Variants in ATP13A4 observed in about 807,000 individuals in gnomAD.
ATP13A4 encodes ATPase 13A4, also known as probable cation-transporting ATPase 13A4.
A neutral mutation model predicts 142.5 loss-of-function variants in ATP13A4; 114 were observed. The ratio of observed to expected loss-of-function variants is 0.80; its 90% confidence interval spans 0.69 to 0.93. The LOEUF (loss-of-function observed/expected upper bound fraction) is 0.93, where lower values mean the gene tolerates loss of function less well. Among genes scored for constraint, ATP13A4 ranks in the 40% least tolerant of loss-of-function variants. The pLI, the probability that ATP13A4 is intolerant of heterozygous loss-of-function variation, is 0.00. For missense variants in ATP13A4, 1,392 were observed against 1,454.0 expected, an observed-to-expected ratio of 0.96 and a Z score of 0.69; for synonymous variants, 488 against 514.8, an observed-to-expected ratio of 0.95 and a Z score of 0.70.
chr3:193,572,319 A>G (rs1462199668), intron 2 of ATP13A4, among the ~76,000 whole-genome samples: 1 of 152,220 alleles, frequency 6.6e-6, no homozygotes, highest in Non-Finnish European at 1.5e-5. Context: ...ATTTTTCTGT[A>G]ACTCTAAAAC....
At chr3:193,477,751 G>A (rs1719052285) in intron 8 of ATP13A4, among the ~76,000 whole-genome samples, 1 of 152,040 alleles carries the variant, frequency 6.6e-6, no homozygotes, top group African/African-American at 2.4e-5. Context: ...AGCATCGATG[G>A]AGATCTTGGC....
intron 29 of ATP13A4, among the ~76,000 whole-genome samples, chr3:193,406,180 T>C (rs1408411895): frequency 2.6e-5 from 4 of 152,218 alleles, no homozygotes; most frequent in Non-Finnish European, 4.4e-5. Flanking sequence ...CAGGTGATTC[T>C]GATGCCCACT....
At chr3:193,430,900 G>C (rs1158383868) in intron 25 of ATP13A4, among the ~76,000 whole-genome samples, 1 of 152,108 alleles carries the variant, frequency 6.6e-6, no homozygotes, top group Non-Finnish European at 1.5e-5. Context: ...AAATGGGAAT[G>C]AGGAGAGGGC....
At chr3:193,570,730 C>T (rs2108741040) in intron 2 of ATP13A4, among the ~76,000 whole-genome samples, 1 of 152,290 alleles carries the variant, frequency 6.6e-6, no homozygotes, top group South Asian at 2.1e-4. Context: ...TCTGAATTCT[C>T]ACAGACCAGA....
intron 18 of ATP13A4, among the ~76,000 whole-genome samples, chr3:193,442,978 A>C (rs921345673): frequency 1.3e-5 from 2 of 152,074 alleles, no homozygotes; most frequent in Admixed American, 1.3e-4. Context: ...CCAAGAAGCA[A>C]CTCCCCAAGG....
At chr3:193,479,887 C>T (rs1372325858) in intron 8 of ATP13A4, among the ~76,000 whole-genome samples, 2 of 152,092 alleles carry the variant, frequency 1.3e-5, no homozygotes, top group African/African-American at 4.8e-5. Flanking sequence ...ACCACAGTCA[C>T]CAAAACAGCA....
intron 25 of ATP13A4, among the ~76,000 whole-genome samples, chr3:193,425,250 A>G (rs573525493): frequency 4.2e-4 from 64 of 151,890 alleles, no homozygotes; most frequent in African/African-American, 1.5e-3. Flanking sequence ...GAACACTTAC[A>G]TACTGTTGGT....
chr3:193,568,849 T>C (rs749150993), intron 2 of ATP13A4, among the ~76,000 whole-genome samples: 5 of 152,174 alleles, frequency 3.3e-5, no homozygotes, highest in Non-Finnish European at 5.9e-5. Flanking sequence ...CAAAATAATA[T>C]CAGTATTGTT....
At position 193,412,351 on chromosome 3, in the gene ATP13A4, T is replaced by C; in HGVS notation, c.3035A>G (p.Glu1012Gly). The C allele has an allele frequency of 6.2e-7, 1 of 1,614,156 alleles. No homozygotes were observed. The highest frequency in any genetic ancestry group is 8.5e-7 in the Non-Finnish European group (1 of 1,180,008). The change falls in exon 27 of 30, where the codon GAA becomes GGA. Residue 1012 changes from glutamate (E) to glycine (G), a missense_variant. Glu to Gly is a moderately conservative substitution (Grantham distance 98). Coordinates refer to ENST00000342695, the MANE Select transcript of ATP13A4 (RefSeq NM_032279.4). The stretch of plus-strand genomic sequence containing the variant: ...AGACATGGTTAACTCTGAGATGCTT[T>C]CATTTTGTACTGTGCAGGCACTAAA... ...EIHSACTVQN[E>G]SISELTMSPT...
chr3:193,471,509 G>A (rs1718622424), intron 8 of ATP13A4, among the ~76,000 whole-genome samples: 1 of 152,038 alleles, frequency 6.6e-6, no homozygotes, highest in African/African-American at 2.4e-5. Context: ...TTAAGCTCAG[G>A]AGGTCGAGAC....
chr3:193,522,099 G>A (rs2108691636), intron 1 of ATP13A4, among the ~76,000 whole-genome samples: 1 of 152,318 alleles, frequency 6.6e-6, no homozygotes, highest in African/African-American at 2.4e-5. Flanking sequence ...CTGAGCTGCA[G>A]TCTGATTATG....
intron 29 of ATP13A4, among the ~76,000 whole-genome samples, chr3:193,404,671 T>C (rs773438489): frequency 1.3e-5 from 2 of 152,140 alleles, no homozygotes; most frequent in Non-Finnish European, 2.9e-5. Context: ...TCCCCTTTGC[T>C]TTCCGCCATG....
At chr3:193,406,361 C>T (rs1714495928) in intron 29 of ATP13A4, among the ~76,000 whole-genome samples, 2 of 152,178 alleles carry the variant, frequency 1.3e-5, no homozygotes, top group Admixed American at 6.5e-5. Flanking sequence ...GCTGTAGGTT[C>T]TCACAGCTCA....
At chr3:193,407,109 G>A (rs920016793) in intron 29 of ATP13A4, among the ~76,000 whole-genome samples, 1 of 152,188 alleles carries the variant, frequency 6.6e-6, no homozygotes, top group African/African-American at 2.4e-5. Flanking sequence ...ATTCTCCCCC[G>A]CCCTACTTGA....
intron 1 of ATP13A4, among the ~76,000 whole-genome samples, chr3:193,537,010 A>G (rs1722624174): frequency 6.6e-6 from 1 of 152,124 alleles, no homozygotes; most frequent in Admixed American, 6.5e-5. Flanking sequence ...AAAGCTAAAC[A>G]TAGTAAAGAT....
At chr3:193,542,843 G>A (rs1218647056) in intron 1 of ATP13A4, among the ~76,000 whole-genome samples, 1 of 152,128 alleles carries the variant, frequency 6.6e-6, no homozygotes, top group African/African-American at 2.4e-5. Context: ...ATGGATTAAA[G>A]TCTTAAATGT....
At chr3:193,493,069 G>A (rs754386272) in intron 4 of ATP13A4, 21 bp downstream of exon 4, 1 of 1,610,388 alleles carries the variant, frequency 6.2e-7, no homozygotes, top group Admixed American at 1.7e-5. Context: ...TTCTTTGGCT[G>A]TACTTGCTAA....
Position 193,442,533 on chromosome 3 carries a change from T to G in ATP13A4, c.2176A>C (p.Thr726Pro). 1.9e-6 allele frequency: 3 copies of G among 1,614,032 alleles called. No individual in the cohort carries two copies. Among genetic ancestry groups the G allele is most frequent in the Non-Finnish European group, 2.5e-6 (3 of 1,179,908 alleles). The change falls in exon 19 of 30, where the codon ACA becomes CCA. Residue 726 changes from threonine (T) to proline (P), a missense_variant. Coordinates refer to ENST00000342695, the MANE Select transcript of ATP13A4 (RefSeq NM_032279.4). ...ITGDNLQTAITVARKSGMVSE... is the reference protein window; with the variant it reads ...ITGDNLQTAIPVARKSGMVSE... ...ACCATTCCAGATTTTCTGGCCACTG[T>G]TATTGCAGTCTGAAGATTGTCACCT...
At chr3:193,418,569 C>A (rs80205211) in intron 25 of ATP13A4, among the ~76,000 whole-genome samples, 3 of 149,526 alleles carry the variant, frequency 2.0e-5, no homozygotes, top group African/African-American at 7.4e-5. Context: ...CAACACCCCA[C>A]TCTCTAGCCA....
Sources: allele counts gnomAD v4.1 joint callset (sites outside exome capture counted in the v4.1 genomes callset), GRCh38; gene constraint gnomAD v4.1.1; transcripts MANE v1.5; gene names NCBI Gene and HGNC (gene_info 2026-07-23, HGNC 2026-07-21).